Variants in HTT observed in about 807,000 individuals in gnomAD.
HTT encodes huntingtin, also known as huntington disease protein.
HTT carries 104 observed loss-of-function variants against 362.3 expected under a neutral mutation model. The ratio of observed to expected loss-of-function variants is 0.29; its 90% confidence interval spans 0.24 to 0.34. The LOEUF is 0.34. Among genes scored for constraint, HTT ranks in the 10% least tolerant of loss-of-function variants. The probability of loss-of-function intolerance (pLI) is 1.00; values close to 1 mark genes in which losing one functional copy is unlikely to be tolerated. For missense variants in HTT, 3,301 were observed against 3,928.6 expected (o/e 0.84, Z 4.27); for synonymous variants, 1,577 against 1,548.7 (o/e 1.02, Z -0.43).
rs1712402776 is a variant in HTT, at chr4:3,074,924, GCAGCAGCAGCAA to G, written c.104_115del (p.Gln35_Gln38del). 3.8e-6 allele frequency: 5 copies of G among 1,303,462 alleles called. No individual in the cohort carries two copies. Among genetic ancestry groups the G allele is most frequent in the Admixed American group, 4.9e-5 (2 of 41,234 alleles). 80.7% of individuals were successfully genotyped at this position (1,303,462 alleles called of 1,614,324 possible). A position where few individuals can be genotyped will look rare whatever the true frequency, so the allele number is the denominator to read the frequency against. On this transcript the variant is annotated inframe_deletion, in exon 1 of 67. Transcript: ENST00000355072. The stretch of plus-strand genomic sequence containing the variant: ...AGCAGCAGCAGCAGCAGCAGCAGCA[GCAGCAGCAGCAA>G]CAGCCGCCACCGCCGCCGCCGCCGC...
chr4:3,192,850 A>G (rs1719069054), intron 40 of HTT, among the ~76,000 whole-genome samples: 1 of 152,094 alleles, frequency 6.6e-6, no homozygotes, highest in Non-Finnish European at 1.5e-5. Context: ...ATTTGAGGAT[A>G]CTCTTGGCGT....
intron 6 of HTT, chr4:3,113,037 TG>T: frequency 6.1e-6 from 6 of 976,978 alleles, no homozygotes; most frequent in Non-Finnish European, 7.3e-6. Flanking sequence ...TCTTCCCTTT[TG>T]AAGTACTCTT....
chr4:3,195,735 G>A (rs888861421), intron 40 of HTT, among the ~76,000 whole-genome samples: 6 of 152,202 alleles, frequency 3.9e-5, no homozygotes, highest in African/African-American at 1.4e-4. Flanking sequence ...TGTATTGAGG[G>A]TGTTCTTGGT....
intron 29 of HTT, among the ~76,000 whole-genome samples, chr4:3,164,220 A>C (rs149288289): frequency 0.012 from 1,871 of 152,180 alleles, 20 homozygotes; most frequent in African/African-American, 0.03. Context: ...TTCAGTTTCC[A>C]TGTAGTTGTG....
Position 3,177,402 on chromosome 4 carries a change from T to TTAA in HTT, c.4463+17_4463+18insATA, listed in dbSNP as rs1351877474. 6.5e-7 allele frequency: 1 copy of TTAA among 1,535,962 alleles called. No homozygotes were observed. Among genetic ancestry groups the TTAA allele is most frequent in the Non-Finnish European group, 8.8e-7 (1 of 1,133,124 alleles). On this transcript the variant is annotated intron_variant, in intron 34 of 66. Transcript: ENST00000355072. ...GGCCAGTTCAGGTAATAGCATTTTA[T>TTAA]TATTTTAGATTTTTTTCTTCTTCTT...
chr4:3,105,781 A>G (rs1205200628), intron 5 of HTT, among the ~76,000 whole-genome samples: 1 of 152,200 alleles, frequency 6.6e-6, no homozygotes. Flanking sequence ...CAAATTGTTG[A>G]AGGTTGAGGT....
chr4:3,220,450 T>C (rs2110285537), intron 53 of HTT, 142 bp downstream of exon 53: 1 of 869,878 alleles, frequency 1.1e-6, no homozygotes, highest in East Asian at 2.5e-5. Context: ...GTGAATACAT[T>C]TTGCAGTGTT....
intron 8 of HTT, among the ~76,000 whole-genome samples, chr4:3,118,697 C>T (rs1715150420): frequency 6.6e-6 from 1 of 151,988 alleles, no homozygotes; most frequent in African/African-American, 2.4e-5. Flanking sequence ...TTGCAGTAAT[C>T]CTGGAAGGAC....
intron 5 of HTT, among the ~76,000 whole-genome samples, chr4:3,106,976 T>A: frequency 6.6e-6 from 1 of 152,404 alleles, no homozygotes; most frequent in Non-Finnish European, 1.5e-5. Context: ...ATTTTTGTTT[T>A]TAAAATGGTA....
chr4:3,175,131 C>T (rs771652400), intron 33 of HTT, 24 bp downstream of exon 33: 9 of 1,592,506 alleles, frequency 5.7e-6, no homozygotes, highest in Non-Finnish European at 7.7e-6. Flanking sequence ...ATCTTTCATC[C>T]ATCATACCTG....
rs369204399 is a variant in HTT, at chr4:3,233,265, C to T, written c.8368C>T (p.Leu2790=). The change falls in exon 61 of 67, where the codon CTG becomes TTG. Residue 2790 remains leucine, a synonymous_variant. Coordinates refer to ENST00000355072, the MANE Select transcript of HTT (RefSeq NM_001388492.1). ...AGCCCTGCACGGCGTCCTCTATGTG[C>T]TGGAGTGCGACCTGCTGGACGACAC... ...VGALHGVLYV[L]ECDLLDDTAK... The T allele has an allele frequency of 2.4e-4, 379 of 1,611,678 alleles. No individual in the cohort carries two copies. The highest frequency in any genetic ancestry group is 3.0e-4 in the Non-Finnish European group (356 of 1,178,570).
chr4:3,224,131 G>A lies in HTT; in HGVS notation c.7765G>A (p.Gly2589Ser). Residue 2589 changes from glycine (G) to serine (S), a missense_variant and splice_region_variant, in exon 56 of 67, where the codon GGT becomes AGT. By Grantham distance (56) the Gly-to-Ser change is moderately conservative (BLOSUM62 0). Coordinates refer to ENST00000355072, the MANE Select transcript of HTT (RefSeq NM_001388492.1). ...CCCTTCTCTGTCTCCGGCTACTACA[G>A]GTACCTGAGGGAAAGGGTGCGGGGG... ...PVPSLSPATT[G>S]ALISHEKLLL... The A allele has an allele frequency of 6.2e-7, 1 of 1,613,994 alleles. No individual in the cohort carries two copies. Among genetic ancestry groups the A allele is most frequent in the Non-Finnish European group, 8.5e-7 (1 of 1,179,914 alleles).
At chr4:3,089,689 T>C (rs1578488493) in intron 2 of HTT, among the ~76,000 whole-genome samples, 1 of 152,390 alleles carries the variant, frequency 6.6e-6, no homozygotes, top group East Asian at 1.9e-4. Context: ...AAGATCTCTT[T>C]CAATCTGAGT....
At chr4:3,088,422 A>T (rs1417749628) in intron 2 of HTT, among the ~76,000 whole-genome samples, 1 of 117,492 alleles carries the variant, frequency 8.5e-6, no homozygotes, top group Non-Finnish European at 1.9e-5. Flanking sequence ...GACCCGCTCA[A>T]CTCAGCCTCC....
intron 1 of HTT, among the ~76,000 whole-genome samples, chr4:3,076,707 C>G (rs1425275656): frequency 6.6e-6 from 1 of 152,174 alleles, no homozygotes; most frequent in Non-Finnish European, 1.5e-5. Context: ...TTCTGCTGGG[C>G]TGCTTCAGAC....
At chr4:3,138,416 A>G (rs987419239) in intron 21 of HTT, among the ~76,000 whole-genome samples, 6 of 151,894 alleles carry the variant, frequency 4.0e-5, no homozygotes, top group African/African-American at 9.7e-5. Flanking sequence ...TGAGTCTCCA[A>G]TGTCCATTAT....
intron 8 of HTT, among the ~76,000 whole-genome samples, chr4:3,118,468 T>G (rs368372201): frequency 6.6e-6 from 1 of 151,932 alleles, no homozygotes; most frequent in Admixed American, 6.6e-5. Flanking sequence ...CGGCACAGAG[T>G]TGGGAGAAGA....
rs757077459 is a variant in HTT at position 3,131,336 on chromosome 4, A to C, written c.2037A>C (p.Ala679=). 1 of 1,613,868 alleles carries C rather than the reference A, an allele frequency of 6.2e-7. No individual in the cohort carries two copies. Residue 679 remains alanine, a synonymous_variant, in exon 15 of 67, where the codon GCA becomes GCC. Transcript: ENST00000355072. ...GACAGTCCACTGATGATGACTCTGC[A>C]CCTCTTGTCCATTGTGTCCGCCTTT... ...DIGQSTDDDS[A]PLVHCVRLLS...
intron 6 of HTT, chr4:3,113,057 G>A (rs1413644843): frequency 1.0e-6 from 1 of 965,632 alleles, no homozygotes; most frequent in African/African-American, 1.8e-5. Context: ...TTACAGGTAT[G>A]TTGTGCATGT....
Sources: gnomAD v4.1 joint callset for allele counts (sites outside exome capture counted in the v4.1 genomes callset) on GRCh38, gnomAD v4.1.1 for gene constraint, MANE v1.5 for transcripts, NCBI Gene and HGNC (gene_info 2026-07-23, HGNC 2026-07-21) for gene names.